Variants in SEMA3E observed in about 807,000 individuals in gnomAD.
The protein encoded by SEMA3E is semaphorin-3E.
Under a neutral mutation model 93.6 loss-of-function variants are expected in SEMA3E, and 49 were observed. The ratio of observed to expected loss-of-function variants is 0.52; its 90% CI spans 0.42 to 0.66. The LOEUF (loss-of-function observed/expected upper bound fraction) is 0.66, where lower values mean the gene tolerates loss of function less well. Ranked by LOEUF, SEMA3E falls within the 30% of genes least tolerant of loss-of-function variation. The pLI is 0.00. For synonymous variants in SEMA3E, 363 were observed against 330.7 expected (o/e 1.10, Z -1.06); for missense variants, 906 against 964.8 (o/e 0.94, Z 0.81).
intron 1 of SEMA3E, among the ~76,000 whole-genome samples, chr7:83,572,921 AG>A (rs1792316796): frequency 6.6e-6 from 1 of 152,188 alleles, no homozygotes; most frequent in Admixed American, 6.5e-5. Context: ...TTAAATTACT[AG>A]AAAAAACAAA....
At chr7:83,645,126 C>A (rs1351424860) in intron 1 of SEMA3E, among the ~76,000 whole-genome samples, 2 of 151,876 alleles carry the variant, frequency 1.3e-5, no homozygotes, top group Non-Finnish European at 2.9e-5. Flanking sequence ...TCCCTGTAAC[C>A]TCATTAGTGC....
At chr7:83,434,709 CTTTTTTTTTTTT>C (rs76539180) in intron 4 of SEMA3E, among the ~76,000 whole-genome samples, 2 of 120,174 alleles carry the variant, frequency 1.7e-5, no homozygotes, top group African/African-American at 3.0e-5. Flanking sequence ...AACTGTATTT[CTTTTTTTTTTTT>C]TTTTTTTTTT....
intron 14 of SEMA3E, among the ~76,000 whole-genome samples, chr7:83,387,986 A>T (rs917027231): frequency 3.4e-5 from 5 of 146,658 alleles, no homozygotes; most frequent in Non-Finnish European, 6.0e-5. Context: ...GAATATATAT[A>T]TTATGTATAT....
intron 16 of SEMA3E, among the ~76,000 whole-genome samples, chr7:83,377,466 CCA>C (rs1787670491): frequency 6.6e-6 from 1 of 151,922 alleles, no homozygotes; most frequent in African/African-American, 2.4e-5. Context: ...CTAAAAACAG[CCA>C]CAGACTTTAG....
At chr7:83,594,845 A>T (rs1269201465) in intron 1 of SEMA3E, among the ~76,000 whole-genome samples, 1 of 151,994 alleles carries the variant, frequency 6.6e-6, no homozygotes, top group Non-Finnish European at 1.5e-5. Context: ...ACTAAAATAA[A>T]TGGTCTGAAT....
At chr7:83,545,354 G>T (rs905658142) in intron 1 of SEMA3E, among the ~76,000 whole-genome samples, 1 of 151,868 alleles carries the variant, frequency 6.6e-6, no homozygotes, top group Non-Finnish European at 1.5e-5. Context: ...TCCATTTTGA[G>T]TCAGTCCTTC....
At chr7:83,440,797 G>A (rs113323877) in intron 4 of SEMA3E, among the ~76,000 whole-genome samples, 914 of 42,502 alleles carry the variant, frequency 0.022, 8 homozygotes, top group South Asian at 0.17. Flanking sequence ...GCAAGACTCC[G>A]TCTCAAAAAA....
intron 4 of SEMA3E, among the ~76,000 whole-genome samples, chr7:83,449,043 G>A (rs928065022): frequency 6.6e-6 from 1 of 151,202 alleles, no homozygotes; most frequent in South Asian, 2.1e-4. Context: ...TTACAGTTTA[G>A]GTTTGAATTT....
At chr7:83,490,439 T>C (rs1464408444) in intron 1 of SEMA3E, among the ~76,000 whole-genome samples, 165 bp from the exon 2 acceptor site, 1 of 152,100 alleles carries the variant, frequency 6.6e-6, no homozygotes, top group Non-Finnish European at 1.5e-5. Flanking sequence ...AGTTAAAATA[T>C]TTCATAAATT....
At chr7:83,381,274 G>A (rs1787772442) in intron 16 of SEMA3E, among the ~76,000 whole-genome samples, 1 of 152,048 alleles carries the variant, frequency 6.6e-6, no homozygotes, top group South Asian at 2.1e-4. Flanking sequence ...TGGTCTATTA[G>A]TCTCCCTACT....
intron 1 of SEMA3E, among the ~76,000 whole-genome samples, chr7:83,636,111 A>C (rs1241450091): frequency 6.6e-6 from 1 of 152,202 alleles, no homozygotes; most frequent in Non-Finnish European, 1.5e-5. Flanking sequence ...GTTGAGTCAA[A>C]TGTGACAATA....
chr7:83,604,711 C>T (rs1431498409), intron 1 of SEMA3E, among the ~76,000 whole-genome samples: 1 of 151,882 alleles, frequency 6.6e-6, no homozygotes, highest in African/African-American at 2.4e-5. Context: ...TGGTTTGCTG[C>T]ATCTATCAAC....
At chr7:83,574,810 T>G (rs963922416) in intron 1 of SEMA3E, among the ~76,000 whole-genome samples, 15 of 152,146 alleles carry the variant, frequency 9.9e-5, no homozygotes, top group African/African-American at 3.1e-4. Flanking sequence ...GAGGCCATTC[T>G]AGATTGTCCA....
intron 1 of SEMA3E, among the ~76,000 whole-genome samples, chr7:83,605,430 C>T (rs1255713003): frequency 6.8e-6 from 1 of 147,160 alleles, no homozygotes; most frequent in South Asian, 2.2e-4. Context: ...TAAATGTCCT[C>T]TCTTTTTTTT....
At chr7:83,381,542 C>A (rs77175530) in intron 16 of SEMA3E, among the ~76,000 whole-genome samples, 2,182 of 151,984 alleles carry the variant, frequency 0.014, 58 homozygotes, top group African/African-American at 0.05. Flanking sequence ...ATCTCCCTTG[C>A]ATTTTTTTCT....
At chr7:83,410,826 AT>A (rs1228708589) in intron 5 of SEMA3E, among the ~76,000 whole-genome samples, 14 of 152,122 alleles carry the variant, frequency 9.2e-5, no homozygotes, top group Non-Finnish European at 2.1e-4. Flanking sequence ...TTTGTTTTTA[AT>A]TATTATAGTT....
chr7:83,558,790 A>G (rs1365502044), intron 1 of SEMA3E, among the ~76,000 whole-genome samples: 1 of 152,138 alleles, frequency 6.6e-6, no homozygotes, highest in Admixed American at 6.6e-5. Context: ...AGGAATAACT[A>G]ATAGTGTGTC....
intron 16 of SEMA3E, among the ~76,000 whole-genome samples, chr7:83,383,247 GATTTGATAAGAAAGTGATTTCTTATCAAA>G (rs1787813390): frequency 6.7e-6 from 1 of 149,010 alleles, no homozygotes; most frequent in Non-Finnish European, 1.5e-5. Flanking sequence ...TCAAAATAAA[GATTTGATAAGAAAGTGATTTCTTATCAAA>G]ATAAAGATTT....
chr7:83,623,536 G>T (rs985619905), intron 1 of SEMA3E, among the ~76,000 whole-genome samples: 28 of 150,882 alleles, frequency 1.9e-4, no homozygotes, highest in Non-Finnish European at 3.4e-4. Context: ...GGCACTTTTT[G>T]TACTTTCTTC....
Sources: allele counts gnomAD v4.1 joint callset (sites outside exome capture counted in the v4.1 genomes callset), GRCh38; gene constraint gnomAD v4.1.1; transcripts MANE v1.5; gene names NCBI Gene and HGNC (gene_info 2026-07-23, HGNC 2026-07-21).